The following DACH1 variants were observed in gnomAD, a reference collection of about 807,000 sequenced individuals.
DACH1 encodes dachshund family transcription factor 1.
Under a neutral mutation model 54.2 loss-of-function variants are expected in DACH1, and 12 were observed. That is an observed-to-expected ratio of 0.22 (90% CI 0.14 to 0.36). DACH1 has a LOEUF of 0.36. Among genes scored for constraint, DACH1 ranks in the 10% least tolerant of loss-of-function variants. The pLI, the probability that DACH1 is intolerant of heterozygous loss-of-function variation, is 1.00. For synonymous variants in DACH1, 386 were observed against 366.2 expected, an observed-to-expected ratio of 1.05 and a Z score of -0.62; for missense variants, 805 against 929.8, an observed-to-expected ratio of 0.87 and a Z score of 1.75.
intron 3 of DACH1, among the ~76,000 whole-genome samples, chr13:71,624,342 A>C (rs2138551818): frequency 6.6e-6 from 1 of 152,082 alleles, no homozygotes. Flanking sequence ...GAAAAGATTT[A>C]TATTTGAACA....
intron 10 of DACH1, among the ~76,000 whole-genome samples, chr13:71,459,555 T>C (rs769716091): frequency 1.6e-4 from 25 of 151,992 alleles, no homozygotes; most frequent in Non-Finnish European, 2.8e-4. Context: ...CTAAACCATA[T>C]GAAAGCATAG....
At chr13:71,464,755 G>A (rs749201168) in intron 10 of DACH1, 1 of 452,190 alleles carries the variant, frequency 2.2e-6, no homozygotes, top group South Asian at 1.6e-5. Flanking sequence ...ATCTTTCTTG[G>A]CGGGTCACTT....
chr13:71,521,697 G>A (rs775829783), intron 6 of DACH1, among the ~76,000 whole-genome samples: 2 of 151,938 alleles, frequency 1.3e-5, no homozygotes, highest in Non-Finnish European at 2.9e-5. Flanking sequence ...AGAAAGTAAA[G>A]TAATCACCTG....
rs528077781 is a variant in DACH1, at chr13:71,758,598, T to A, written c.849-76688A>T. On this transcript the variant is annotated intron_variant, in intron 1 of 10. Coordinates refer to ENST00000613252, the MANE Select transcript of DACH1 (RefSeq NM_080759.6). The stretch of plus-strand genomic sequence containing the variant: ...ATGTGCCTATATAATTATTTAAGAA[T>A]AGCTTGAAATACCTTGAAACGCACC... Among the ~76,000 whole-genome samples, 207 of 152,244 alleles carry A rather than the reference T, an allele frequency of 1.4e-3. 1 individual carries two copies. Among genetic ancestry groups the A allele is most frequent in the African/African-American group, 4.8e-3 (201 of 41,556 alleles).
intron 1 of DACH1, among the ~76,000 whole-genome samples, chr13:71,789,015 T>C (rs1238138205): frequency 6.6e-6 from 1 of 152,148 alleles, no homozygotes; most frequent in Non-Finnish European, 1.5e-5. Context: ...ATAAATATTA[T>C]GTATTACTTA....
intron 1 of DACH1, among the ~76,000 whole-genome samples, chr13:71,809,021 T>C (rs1887611759): frequency 6.6e-6 from 1 of 152,238 alleles, no homozygotes; most frequent in African/African-American, 2.4e-5. Context: ...CTCTAAAGCA[T>C]AGACCATTTA....
rs182151365 is a variant in DACH1, at chr13:71,536,406, A to G, written c.1570+20618T>C. Among the ~76,000 whole-genome samples the G allele has an allele frequency of 2.2e-3, 336 of 152,216 alleles. 4 individuals carry two copies. Among genetic ancestry groups the G allele is most frequent in the South Asian group, 4.6e-3 (22 of 4,824 alleles). On this transcript the variant is annotated intron_variant, in intron 6 of 10. Coordinates refer to ENST00000613252, the MANE Select transcript of DACH1 (RefSeq NM_080759.6). ...TGAAAGTTCTTGACACATCCTTGCT[A>G]TTCAAACCCTAGGGCTAATAGTAAA...
intron 3 of DACH1, among the ~76,000 whole-genome samples, chr13:71,624,534 T>C (rs1322052002): frequency 6.6e-6 from 1 of 151,868 alleles, no homozygotes; most frequent in Admixed American, 6.6e-5. Context: ...TATTGTTAAG[T>C]TTTACTCACC....
At chr13:71,566,707 A>G (rs923776177) in intron 4 of DACH1, among the ~76,000 whole-genome samples, 5 of 152,162 alleles carry the variant, frequency 3.3e-5, no homozygotes, top group Admixed American at 6.5e-5. Context: ...GTTGTGTTGT[A>G]ATACTTTCTT....
chr13:71,548,495 A>G lies in DACH1; in HGVS notation c.1570+8529T>C, dbSNP rs562116544. On this transcript the variant is annotated intron_variant, in intron 6 of 10. Coordinates refer to ENST00000613252, the MANE Select transcript of DACH1 (RefSeq NM_080759.6). ...ATTTCTAAATAAGTCTAACCAAGGA[A>G]GGAAAACAAGTGTTTTATAGTTCTT... 2.1e-4 allele frequency among the ~76,000 whole-genome samples: 32 copies of G among 152,342 alleles called. No individual in the cohort carries two copies. In the South Asian group the frequency reaches 6.4e-3, roughly 31 times the overall value.
chr13:71,592,461 C>T (rs150767434), intron 3 of DACH1, among the ~76,000 whole-genome samples: 1 of 130,566 alleles, frequency 7.7e-6, no homozygotes, highest in South Asian at 2.5e-4. Context: ...TGCCACTGCT[C>T]TCTAGCCTGG....
chr13:71,748,866 CT>C (rs748491488), intron 1 of DACH1, among the ~76,000 whole-genome samples: 1,962 of 30,530 alleles, frequency 0.064, 56 homozygotes, highest in African/African-American at 0.1. Context: ...TTCTTTCTTT[CT>C]TTCTTTCTTT....
At chr13:71,534,211 T>A (rs1882603132) in intron 6 of DACH1, among the ~76,000 whole-genome samples, 1 of 152,082 alleles carries the variant, frequency 6.6e-6, no homozygotes, top group Admixed American at 6.6e-5. Context: ...GCAATATTTT[T>A]TATGTTGATT....
intron 1 of DACH1, among the ~76,000 whole-genome samples, chr13:71,781,602 T>A (rs1886384222): frequency 1.3e-5 from 2 of 151,906 alleles, no homozygotes; most frequent in Admixed American, 6.6e-5. Flanking sequence ...ATGGTCTCGA[T>A]CTCCTGACCT....
intron 6 of DACH1, among the ~76,000 whole-genome samples, chr13:71,550,989 A>C (rs1883778188): frequency 6.6e-6 from 1 of 152,132 alleles, no homozygotes; most frequent in Admixed American, 6.6e-5. Context: ...ATATGTGTTA[A>C]CATTATCAAA....
chr13:71,627,828 C>G (rs2138561377), intron 3 of DACH1, among the ~76,000 whole-genome samples: 1 of 152,086 alleles, frequency 6.6e-6, no homozygotes, highest in South Asian at 2.1e-4. Flanking sequence ...AGGCCTGCAG[C>G]TTAGCAAGTA....
At chr13:71,480,865 C>T (rs572397745) in intron 7 of DACH1, among the ~76,000 whole-genome samples, 167 of 152,306 alleles carry the variant, frequency 1.1e-3, no homozygotes, top group African/African-American at 3.9e-3. Flanking sequence ...TCCATATTTG[C>T]TATACCTGAC....
chr13:71,465,783 A>T (rs1876514861), intron 10 of DACH1, among the ~76,000 whole-genome samples: 1 of 152,166 alleles, frequency 6.6e-6, no homozygotes, highest in Admixed American at 6.6e-5. Context: ...ATGAAAAAGC[A>T]ACTTCCTAGT....
At chr13:71,779,214 TATAC>T (rs1245517338) in intron 1 of DACH1, among the ~76,000 whole-genome samples, 10 of 109,648 alleles carry the variant, frequency 9.1e-5, no homozygotes, top group African/African-American at 4.0e-4. Context: ...TGTGTATATA[TATAC>T]GTATATACGT....
Sources: allele counts gnomAD v4.1 joint callset (sites outside exome capture counted in the v4.1 genomes callset), GRCh38; gene constraint gnomAD v4.1.1; transcripts MANE v1.5; gene names NCBI Gene and HGNC (gene_info 2026-07-23, HGNC 2026-07-21).